Variants in MYOF observed in about 807,000 individuals in gnomAD.
MYOF encodes myoferlin.
In MYOF, 244 loss-of-function variants were observed where a neutral mutation model predicts 284.2. The observed-to-expected ratio is 0.86, with a 90% CI of 0.77 to 0.95. MYOF has a LOEUF of 0.95. Among genes scored for constraint, MYOF ranks in the 40% least tolerant of loss-of-function variants. The probability of loss-of-function intolerance (pLI) is 0.00; values close to 1 mark genes in which losing one functional copy is unlikely to be tolerated. For missense variants in MYOF, 2,496 were observed against 2,560.6 expected (o/e 0.97, Z 0.54); for synonymous variants, 904 against 919.7 (o/e 0.98, Z 0.31).
chr10:93,357,466 G>T (rs74150209), intron 29 of MYOF, among the ~76,000 whole-genome samples: 7,152 of 152,286 alleles, frequency 0.047, 406 homozygotes, highest in African/African-American at 0.14. Flanking sequence ...CTGTGTGACA[G>T]GGATCGTGTT....
rs551469563 is a variant in MYOF, at chr10:93,373,010, C to G, written c.2377G>C (p.Ala793Pro). 1.2e-6 allele frequency: 2 copies of G among 1,614,008 alleles called. No individual in the cohort carries two copies. Among genetic ancestry groups the G allele is most frequent in the Non-Finnish European group, 1.7e-6 (2 of 1,180,020 alleles). Residue 793 changes from alanine to proline, a missense_variant, in exon 24 of 54, where the codon GCA (alanine) becomes CCA (proline). By Grantham distance (27) the Ala-to-Pro change is conservative (BLOSUM62 -1). Transcript: ENST00000359263. ...EKRLAYARIP[A>P]HQVLYSTSGE... ...CTGGTGGAGTACAAGACCTGATGTGCGGGAATTCGTGCATAGGCCAGTCTC... is the reference window on the plus strand; with the variant it reads ...CTGGTGGAGTACAAGACCTGATGTGGGGGAATTCGTGCATAGGCCAGTCTC...
At chr10:93,376,694 AT>A (rs1335818747) in intron 22 of MYOF, among the ~76,000 whole-genome samples, 1 of 152,134 alleles carries the variant, frequency 6.6e-6, no homozygotes, top group Non-Finnish European at 1.5e-5. Flanking sequence ...TTATTAACCA[AT>A]ATTTAAAATG....
intron 23 of MYOF, among the ~76,000 whole-genome samples, chr10:93,374,223 G>A (rs538017185): frequency 1.3e-5 from 2 of 152,246 alleles, no homozygotes; most frequent in Middle Eastern, 6.8e-3. Flanking sequence ...AGTAGTCCAT[G>A]GTGTATATGT....
intron 24 of MYOF, among the ~76,000 whole-genome samples, chr10:93,371,304 C>T (rs988449971): frequency 6.6e-6 from 1 of 152,154 alleles, no homozygotes; most frequent in African/African-American, 2.4e-5. Context: ...AGTGTTATAT[C>T]AAAGATGAAT....
At chr10:93,470,628 C>G (rs1447687285) in intron 1 of MYOF, among the ~76,000 whole-genome samples, 1 of 152,144 alleles carries the variant, frequency 6.6e-6, no homozygotes, top group Non-Finnish European at 1.5e-5. Flanking sequence ...TCTCGAACTC[C>G]TGACCTCAAA....
chr10:93,478,339 C>A, intron 1 of MYOF: 1 of 187,742 alleles, frequency 5.3e-6, no homozygotes, highest in South Asian at 1.1e-4. Context: ...CACAGGCACT[C>A]ACTCCAGCCT....
In MYOF at chr10:93,456,951, A is replaced by G; in HGVS notation, c.89-14T>C. 6.3e-7 allele frequency: 1 copy of G among 1,586,284 alleles called. No homozygotes were observed. On this transcript the variant is annotated splice_polypyrimidine_tract_variant and intron_variant, in intron 1 of 53. Transcript: ENST00000359263. ...TCTTTTTCTCATCTGCAAAAGAGATAAAGGAAGAGACAGCAATCATTTATA... is the reference window on the plus strand; with the variant it reads ...TCTTTTTCTCATCTGCAAAAGAGATGAAGGAAGAGACAGCAATCATTTATA...
intron 7 of MYOF, among the ~76,000 whole-genome samples, chr10:93,406,187 G>C (rs532642557): frequency 2.7e-5 from 4 of 148,936 alleles, no homozygotes; most frequent in South Asian, 2.2e-4. Flanking sequence ...TTGAACTCCT[G>C]ATCTCCAATG....
chr10:93,369,607 G>C lies in MYOF; in HGVS notation c.2589+38C>G, dbSNP rs74432867. On this transcript the variant is annotated intron_variant, in intron 25 of 53. Transcript: ENST00000359263. ...TGAAAAGTAAAAGTGCCCCTCCCCC[G>C]ACCAAAGAAGAAAAGATAGTGAAAT... 5.0e-3 allele frequency: 7,994 copies of C among 1,610,506 alleles called. 301 individuals are homozygous for C. In the African/African-American group the frequency reaches 0.09, roughly 18 times the overall value.
At chr10:93,338,078 A>G (rs1843701504) in intron 39 of MYOF, among the ~76,000 whole-genome samples, 165 bp from the exon 40 acceptor site, 2 of 149,232 alleles carry the variant, frequency 1.3e-5, no homozygotes. Context: ...AGCATTCACG[A>G]CTCTCCTACT....
intron 51 of MYOF, among the ~76,000 whole-genome samples, chr10:93,311,654 A>G (rs544210203): frequency 6.1e-4 from 92 of 152,042 alleles, no homozygotes; most frequent in Non-Finnish European, 1.2e-3. Context: ...AGATTGTAAC[A>G]GACTTTGTAA....
At chr10:93,443,842 T>A (rs1221659123) in intron 3 of MYOF, among the ~76,000 whole-genome samples, 1 of 152,192 alleles carries the variant, frequency 6.6e-6, no homozygotes, top group African/African-American at 2.4e-5. Context: ...ACAGTCAATT[T>A]AAGGATGAGA....
chr10:93,463,567 T>C (rs1589609200), intron 1 of MYOF, among the ~76,000 whole-genome samples: 1 of 151,770 alleles, frequency 6.6e-6, no homozygotes, highest in African/African-American at 2.4e-5. Context: ...GCCCGGCTAA[T>C]TTTTGTATTT....
chr10:93,383,774 T>C (rs1846231366), intron 19 of MYOF, among the ~76,000 whole-genome samples: 1 of 151,740 alleles, frequency 6.6e-6, no homozygotes, highest in Non-Finnish European at 1.5e-5. Context: ...CAGGAGAAAA[T>C]GACCGGTATT....
At chr10:93,400,449 A>G (rs146878923) in intron 12 of MYOF, among the ~76,000 whole-genome samples, 1,729 of 151,428 alleles carry the variant, frequency 0.011, 19 homozygotes, top group Non-Finnish European at 0.017. Context: ...TATAGGCATG[A>G]CCCACTGCCT....
At chr10:93,473,918 G>T (rs1589622131) in intron 1 of MYOF, among the ~76,000 whole-genome samples, 1 of 152,222 alleles carries the variant, frequency 6.6e-6, no homozygotes, top group East Asian at 1.9e-4. Flanking sequence ...TCGATCTCTT[G>T]GTGGCCTCCC....
intron 43 of MYOF, 96 bp from the exon 44 acceptor site, chr10:93,329,930 G>A: frequency 7.6e-7 from 1 of 1,308,236 alleles, no homozygotes; most frequent in Non-Finnish European, 1.1e-6. Flanking sequence ...GCTGTGTGTA[G>A]TATGGCTGCT....
chr10:93,351,857 A>C lies in MYOF; in HGVS notation c.3482-11T>G. On this transcript the variant is annotated splice_polypyrimidine_tract_variant and intron_variant, in intron 32 of 53. Transcript: ENST00000359263. ...TATGAGCATATGGATCTAAAACAGA[A>C]AAAGAGAATAACAACGGGGCCACGG... 6.3e-7 allele frequency: 1 copy of C among 1,576,188 alleles called. No homozygotes were observed. Among genetic ancestry groups the C allele is most frequent in the Non-Finnish European group, 8.5e-7 (1 of 1,171,346 alleles).
intron 20 of MYOF, among the ~76,000 whole-genome samples, chr10:93,380,279 C>T (rs1045419036): frequency 2.8e-4 from 42 of 152,124 alleles, no homozygotes; most frequent in Non-Finnish European, 4.6e-4. Context: ...GGTTTCTTAA[C>T]GTGGTAGTAG....
Sources: gnomAD v4.1 joint callset for allele counts (sites outside exome capture counted in the v4.1 genomes callset) on GRCh38, gnomAD v4.1.1 for gene constraint, MANE v1.5 for transcripts, NCBI Gene and HGNC (gene_info 2026-07-23, HGNC 2026-07-21) for gene names.